SUGCT: variants seen among roughly 807,000 people sequenced by gnomAD.
SUGCT encodes succinyl-CoA:glutarate CoA-transferase.
SUGCT carries 41 observed loss-of-function variants against 55.0 expected under a neutral mutation model. The ratio of observed to expected loss-of-function variants is 0.74; its 90% CI spans 0.58 to 0.97. The LOEUF (loss-of-function observed/expected upper bound fraction) is 0.97, where lower values mean the gene tolerates loss of function less well. Among genes scored for constraint, SUGCT ranks in the 50% least tolerant of loss-of-function variants. The pLI is 0.00. For synonymous variants in SUGCT, 187 were observed against 200.4 expected (o/e 0.93, Z 0.56); for missense variants, 568 against 547.8 (o/e 1.04, Z -0.37).
chr7:40,482,011 A>C (rs898378931), intron 11 of SUGCT, among the ~76,000 whole-genome samples: 2 of 152,190 alleles, frequency 1.3e-5, no homozygotes, highest in African/African-American at 4.8e-5. Context: ...CCTTGTATTT[A>C]CTAGGAATTC....
intron 11 of SUGCT, among the ~76,000 whole-genome samples, chr7:40,473,687 C>T (rs907676533): frequency 6.6e-6 from 1 of 152,146 alleles, no homozygotes; most frequent in African/African-American, 2.4e-5. Context: ...TAATTGTTTT[C>T]TAATTTGCCA....
At chr7:40,375,016 C>A (rs529427010) in intron 9 of SUGCT, among the ~76,000 whole-genome samples, 1 of 152,120 alleles carries the variant, frequency 6.6e-6, no homozygotes, top group South Asian at 2.1e-4. Flanking sequence ...AAGATTGTCA[C>A]GTGTGGGCTC....
chr7:40,867,427 A>C, the SUGCT span, among the ~76,000 whole-genome samples: 6 of 152,034 alleles, frequency 3.9e-5, no homozygotes, highest in East Asian at 1.2e-3. Flanking sequence ...AAAAATTCTG[A>C]AAAACGTTAG....
intron 6 of SUGCT, among the ~76,000 whole-genome samples, chr7:40,235,236 G>A (rs1216548037): frequency 6.6e-6 from 1 of 152,036 alleles, no homozygotes. Flanking sequence ...ATTTCTGGTG[G>A]CGAATGCATC....
chr7:40,989,178 G>A, the SUGCT span, among the ~76,000 whole-genome samples: 8 of 152,052 alleles, frequency 5.3e-5, no homozygotes, highest in Non-Finnish European at 8.8e-5. Flanking sequence ...TAAATATGAT[G>A]ACAATGAATT....
At chr7:40,905,070 A>G in the SUGCT span, among the ~76,000 whole-genome samples, 2 of 152,322 alleles carry the variant, frequency 1.3e-5, no homozygotes, top group Admixed American at 1.3e-4. Context: ...AGAAACCTCT[A>G]ATAGGATAAC....
chr7:40,552,031 G>C (rs1396092992), intron 12 of SUGCT, among the ~76,000 whole-genome samples: 1 of 152,256 alleles, frequency 6.6e-6, no homozygotes, highest in Non-Finnish European at 1.5e-5. Context: ...GAAAACAAAA[G>C]CATCTATGAG....
chr7:40,951,305 A>G, the SUGCT span, among the ~76,000 whole-genome samples: 1 of 151,710 alleles, frequency 6.6e-6, no homozygotes, highest in Non-Finnish European at 1.5e-5. Context: ...CGGTGGTGAT[A>G]TCCTATCATT....
intron 9 of SUGCT, among the ~76,000 whole-genome samples, chr7:40,387,343 G>A (rs1785177106): frequency 6.6e-6 from 1 of 152,122 alleles, no homozygotes; most frequent in South Asian, 2.1e-4. Context: ...AACTTGGGCA[G>A]ATCGGATACA....
At chr7:40,164,424 G>A (rs909907275) in intron 1 of SUGCT, among the ~76,000 whole-genome samples, 3 of 152,024 alleles carry the variant, frequency 2.0e-5, no homozygotes, top group African/African-American at 7.2e-5. Flanking sequence ...CACTGCGCCC[G>A]GCCTGAATTG....
intron 12 of SUGCT, among the ~76,000 whole-genome samples, chr7:40,592,300 G>T (rs1207065751): frequency 6.6e-6 from 1 of 152,100 alleles, no homozygotes; most frequent in Non-Finnish European, 1.5e-5. Context: ...TTATTATTTT[G>T]TGGCAGAGAT....
intron 12 of SUGCT, among the ~76,000 whole-genome samples, chr7:40,512,989 C>G (rs1383470078): frequency 6.6e-6 from 1 of 152,094 alleles, no homozygotes; most frequent in East Asian, 1.9e-4. Flanking sequence ...TTCTGCTGAT[C>G]CTGAGTATCA....
At chr7:40,452,215 T>A (rs896318348) in intron 10 of SUGCT, among the ~76,000 whole-genome samples, 1 of 152,230 alleles carries the variant, frequency 6.6e-6, no homozygotes, top group African/African-American at 2.4e-5. Flanking sequence ...ACCTTGTTCA[T>A]AACAAGTCCT....
At chr7:40,742,514 C>T (rs953175380) in intron 12 of SUGCT, among the ~76,000 whole-genome samples, 9 of 151,992 alleles carry the variant, frequency 5.9e-5, no homozygotes, top group African/African-American at 1.4e-4. Flanking sequence ...ATAGGCTTCC[C>T]GCTCCTATGA....
intron 9 of SUGCT, among the ~76,000 whole-genome samples, chr7:40,434,267 T>G (rs1223959252): frequency 6.6e-6 from 1 of 152,220 alleles, no homozygotes; most frequent in Non-Finnish European, 1.5e-5. Flanking sequence ...TTGAAAGGTA[T>G]GTACAGAATA....
chr7:40,697,283 C>A (rs1333228979), intron 12 of SUGCT, among the ~76,000 whole-genome samples: 2 of 152,074 alleles, frequency 1.3e-5, no homozygotes, highest in African/African-American at 4.8e-5. Flanking sequence ...TCTTGACTTA[C>A]CTGGTTTATT....
intron 9 of SUGCT, among the ~76,000 whole-genome samples, chr7:40,377,203 CTTTTCTTTTCTTTCTTTT>C (rs1784626770): frequency 2.5e-4 from 3 of 11,948 alleles, no homozygotes; most frequent in Non-Finnish European, 1.5e-4. Flanking sequence ...TCTTTCTTTT[CTTTTCTTTTCTTTCTTTT>C]CTTTCTTTCT....
chr7:40,766,264 G>A (rs1297846083), intron 13 of SUGCT, among the ~76,000 whole-genome samples: 1 of 152,168 alleles, frequency 6.6e-6, no homozygotes, highest in Non-Finnish European at 1.5e-5. Flanking sequence ...CAGCTGGAGT[G>A]CAGTGGCGTG....
intron 6 of SUGCT, among the ~76,000 whole-genome samples, chr7:40,197,357 G>A (rs1283952270): frequency 6.6e-6 from 1 of 152,128 alleles, no homozygotes; most frequent in Non-Finnish European, 1.5e-5. Context: ...TCTTAATATA[G>A]GTAAATTATC....
Sources: gnomAD v4.1 joint callset for allele counts (sites outside exome capture counted in the v4.1 genomes callset) on GRCh38, gnomAD v4.1.1 for gene constraint, MANE v1.5 for transcripts, NCBI Gene and HGNC (gene_info 2026-07-23, HGNC 2026-07-21) for gene names.